MRTFB: variants seen among roughly 807,000 people sequenced by gnomAD.
MRTFB encodes myocardin-related transcription factor B.
MRTFB carries 29 observed loss-of-function variants against 104.2 expected under a neutral mutation model. The observed-to-expected ratio is 0.28, with a 90% CI of 0.21 to 0.38. The LOEUF (loss-of-function observed/expected upper bound fraction) is 0.38, where lower values mean the gene tolerates loss of function less well. MRTFB is among the 10% of genes least tolerant of loss of function. MRTFB has a pLI of 1.00. For synonymous variants in MRTFB, 535 were observed against 519.5 expected (o/e 1.03, Z -0.41); for missense variants, 1,270 against 1,341.6 (o/e 0.95, Z 0.83).
the MRTFB span, among the ~76,000 whole-genome samples, chr16:14,005,589 G>A: frequency 3.9e-5 from 6 of 152,324 alleles, no homozygotes; most frequent in East Asian, 1.9e-4. Context: ...AGGGCAGAGC[G>A]GGGACTCAAA....
the MRTFB span, among the ~76,000 whole-genome samples, chr16:14,047,209 C>A: frequency 1.3e-5 from 2 of 152,334 alleles, no homozygotes; most frequent in Admixed American, 1.3e-4. Context: ...GTGGCTTAAA[C>A]CCCAGGGCTT....
intron 10 of MRTFB, among the ~76,000 whole-genome samples, chr16:14,243,727 T>C (rs1007384217): frequency 6.6e-6 from 1 of 151,990 alleles, no homozygotes; most frequent in Non-Finnish European, 1.5e-5. Context: ...TAAGTGAAAA[T>C]TGATGCAAAA....
rs980692132 is a variant in MRTFB at position 14,217,112 on chromosome 16, G to T, written c.353-14G>T. 2 of 1,597,860 alleles carry T rather than the reference G, an allele frequency of 1.3e-6. No individual in the cohort carries two copies. Among genetic ancestry groups the T allele is most frequent in the Admixed American group, 3.5e-5 (2 of 57,296 alleles). ...TAATTCGAGTAATGGTTAAAACTGT[G>T]TTTCCTCTTTTAGAAACATTTGCAG... On this transcript the variant is annotated splice_polypyrimidine_tract_variant and intron_variant, in intron 6 of 16. Coordinates refer to ENST00000571589, the MANE Select transcript of MRTFB (RefSeq NM_001308142.2).
chr16:14,110,005 C>A (rs1404528221), intron 2 of MRTFB, among the ~76,000 whole-genome samples: 1 of 152,194 alleles, frequency 6.6e-6, no homozygotes, highest in Non-Finnish European at 1.5e-5. Flanking sequence ...CCATAAGGGT[C>A]AATATGGTTT....
intron 1 of MRTFB, among the ~76,000 whole-genome samples, chr16:14,075,322 A>G (rs2033971194): frequency 6.6e-6 from 1 of 152,248 alleles, no homozygotes; most frequent in South Asian, 2.1e-4. Context: ...TTTGCGTCTT[A>G]AAGTGTGGTG....
chr16:14,039,989 C>T, the MRTFB span, among the ~76,000 whole-genome samples: 1 of 152,098 alleles, frequency 6.6e-6, no homozygotes, highest in Non-Finnish European at 1.5e-5. Flanking sequence ...CTCAGGTGAT[C>T]TGCCCACCTT....
chr16:14,245,678 A>G lies in MRTFB; in HGVS notation c.1212+18A>G, dbSNP rs755864423. ...ACTTAAAGGTGACAATTGCAACTGG[A>G]GCTTATTCACCCCTAAGTACCACAA... is the stretch of plus-strand genomic sequence containing the variant. On this transcript the variant is annotated intron_variant, in intron 11 of 16. Coordinates refer to ENST00000571589, the MANE Select transcript of MRTFB (RefSeq NM_001308142.2). 10 of 1,604,162 alleles carry G rather than the reference A, an allele frequency of 6.2e-6. No homozygotes were observed. The highest frequency in any genetic ancestry group is 7.6e-6 in the Non-Finnish European group (9 of 1,177,538).
At chr16:14,126,712 C>G (rs2037128693) in intron 2 of MRTFB, among the ~76,000 whole-genome samples, 2 of 152,084 alleles carry the variant, frequency 1.3e-5, no homozygotes, top group Admixed American at 6.5e-5. Context: ...GTTTGTCACC[C>G]CCAGCTTTAA....
chr16:14,076,203 T>G (rs951220094), intron 1 of MRTFB, among the ~76,000 whole-genome samples: 1 of 152,066 alleles, frequency 6.6e-6, no homozygotes, highest in Non-Finnish European at 1.5e-5. Context: ...CTTCTTTTCT[T>G]TTTTTTGAGA....
At chr16:14,221,576 A>G (rs1240595849) in intron 8 of MRTFB, among the ~76,000 whole-genome samples, 1 of 152,178 alleles carries the variant, frequency 6.6e-6, no homozygotes, top group East Asian at 1.9e-4. Context: ...GCTATGACAC[A>G]ATTTACTAAA....
At chr16:13,997,533 G>C in the MRTFB span, among the ~76,000 whole-genome samples, 1 of 152,080 alleles carries the variant, frequency 6.6e-6, no homozygotes, top group Non-Finnish European at 1.5e-5. Context: ...GGCGGCTCAT[G>C]CCTTTAATCT....
At position 14,218,858 on chromosome 16, in the gene MRTFB, T is replaced by C. The variant is rs756298765; in HGVS notation, c.553T>C (p.Phe185Leu). 6.2e-7 allele frequency: 1 copy of C among 1,613,224 alleles called. No individual in the cohort carries two copies. The highest frequency in any genetic ancestry group is 8.5e-7 in the Non-Finnish European group (1 of 1,179,602). ...GGACTATCCCCACACTCAGGGCGATTTCTCATTTGATGAAGACAGCAGTGA... is the reference window on the plus strand; with the variant it reads ...GGACTATCCCCACACTCAGGGCGATCTCTCATTTGATGAAGACAGCAGTGA... ...KEDYPHTQGDFSFDEDSSDAL... is the reference protein window; with the variant it reads ...KEDYPHTQGDLSFDEDSSDAL... The change falls in exon 8 of 17, where the codon TTC (phenylalanine) becomes CTC (leucine). Residue 185 changes from phenylalanine (F) to leucine (L), a missense_variant. Transcript: ENST00000571589.
At chr16:14,085,356 C>A (rs1194270379) in intron 2 of MRTFB, among the ~76,000 whole-genome samples, 1 of 148,618 alleles carries the variant, frequency 6.7e-6, no homozygotes, top group African/African-American at 2.5e-5. Flanking sequence ...ACTTGGGAGG[C>A]TGAGGCAGGA....
chr16:14,069,026 A>G (rs766283797), upstream of MRTFB, among the ~76,000 whole-genome samples: 1 of 139,984 alleles, frequency 7.1e-6, no homozygotes, highest in Non-Finnish European at 1.5e-5. Flanking sequence ...CTGGAGTTCA[A>G]TAATGCAATC....
chr16:14,167,020 A>G (rs1024660835), intron 3 of MRTFB, among the ~76,000 whole-genome samples: 3 of 152,200 alleles, frequency 2.0e-5, no homozygotes, highest in African/African-American at 7.2e-5. Context: ...CTTTGGGTGT[A>G]TACCCAAAAT....
chr16:14,187,179 A>G, intron 3 of MRTFB: 1 of 685,976 alleles, frequency 1.5e-6, no homozygotes, highest in Non-Finnish European at 2.3e-6. Flanking sequence ...TTGAAATGAA[A>G]GCTTAATGCT....
intron 15 of MRTFB, among the ~76,000 whole-genome samples, chr16:14,256,650 C>G (rs1275740475): frequency 6.6e-6 from 1 of 152,234 alleles, no homozygotes; most frequent in African/African-American, 2.4e-5. Flanking sequence ...CATTCCCCAG[C>G]CACACCTAGA....
At chr16:14,045,459 G>A in the MRTFB span, among the ~76,000 whole-genome samples, 1 of 152,210 alleles carries the variant, frequency 6.6e-6, no homozygotes, top group African/African-American at 2.4e-5. Context: ...GACTCAGAGA[G>A]TGAAGCCAGC....
chr16:14,210,000 T>C (rs2041124016), intron 3 of MRTFB, among the ~76,000 whole-genome samples: 1 of 152,240 alleles, frequency 6.6e-6, no homozygotes, highest in Non-Finnish European at 1.5e-5. Context: ...AATACATAGC[T>C]TTGGTCATCA....
Sources: allele counts gnomAD v4.1 joint callset (sites outside exome capture counted in the v4.1 genomes callset), GRCh38; gene constraint gnomAD v4.1.1; transcripts MANE v1.5; gene names NCBI Gene and HGNC (gene_info 2026-07-23, HGNC 2026-07-21).